Variants in VPS13B observed in about 807,000 individuals in gnomAD.
The protein encoded by VPS13B is vacuolar protein sorting 13 homolog B.
Under a neutral mutation model 426.4 loss-of-function variants are expected in VPS13B, and 285 were observed. The ratio of observed to expected loss-of-function variants is 0.67; its 90% CI spans 0.61 to 0.74. The LOEUF is 0.74. VPS13B is among the 30% of genes least tolerant of loss of function. The probability of loss-of-function intolerance (pLI) is 0.00; values close to 1 mark genes in which losing one functional copy is unlikely to be tolerated. For missense variants in VPS13B, 4,537 were observed against 4,782.6 expected (o/e 0.95, Z 1.51); for synonymous variants, 1,676 against 1,676.4 (o/e 1.00, Z 0.01).
intron 33 of VPS13B, among the ~76,000 whole-genome samples, chr8:99,607,647 C>T (rs963684091): frequency 6.6e-6 from 1 of 152,162 alleles, no homozygotes; most frequent in African/African-American, 2.4e-5. Context: ...AACAATGGTT[C>T]TCAAATTGTT....
At chr8:99,145,276 A>T (rs1023281498) in intron 13 of VPS13B, among the ~76,000 whole-genome samples, 10 of 152,202 alleles carry the variant, frequency 6.6e-5, no homozygotes, top group Admixed American at 1.3e-4. Flanking sequence ...TTTTCATTTT[A>T]AAAAATTTAG....
intron 17 of VPS13B, among the ~76,000 whole-genome samples, chr8:99,235,570 A>AT (rs995248924): frequency 1.3e-5 from 2 of 152,038 alleles, no homozygotes; most frequent in Non-Finnish European, 2.9e-5. Context: ...TTCAGCCTAC[A>AT]TTTTTTTAGA....
rs140216842 is a variant in VPS13B, at chr8:99,875,589, G to A, written c.11917G>A (p.Asp3973Asn). 6.2e-7 allele frequency: 1 copy of A among 1,614,172 alleles called. No individual in the cohort carries two copies. The highest frequency in any genetic ancestry group is 8.5e-7 in the Non-Finnish European group (1 of 1,180,026). ...TGTTAAAACATACCATTACCTGGTT[G>A]ATCCACATTTTGCTCAGGTCTTCCT... Reference protein sequence around the residue: ...STVKTYHYLVDPHFAQVFLSK... With the variant: ...STVKTYHYLVNPHFAQVFLSK... Residue 3973 changes from aspartate to asparagine, a missense_variant, in exon 62 of 62, where the codon GAT becomes AAT. Asp to Asn is a conservative substitution (Grantham distance 23). Transcript: ENST00000357162.
chr8:99,511,107 A>G lies in VPS13B; in HGVS notation c.4228A>G (p.Thr1410Ala). The change falls in exon 29 of 62, where the codon ACT becomes GCT. Residue 1410 changes from threonine to alanine, a missense_variant. Coordinates refer to ENST00000357162, the MANE Select transcript of VPS13B (RefSeq NM_152564.5). The part of the protein sequence containing the change: ...FLQCKEKSVT[T>A]TKLLDGTHQQ... ...TGATTTCCTTTTTTTGGAACAGACA[A>G]CTACAAAACTTCTAGATGGCACTCA... 1 of 1,612,518 alleles carries G rather than the reference A, an allele frequency of 6.2e-7. No individual in the cohort carries two copies. Among genetic ancestry groups the G allele is most frequent in the Non-Finnish European group, 8.5e-7 (1 of 1,179,972 alleles).
intron 15 of VPS13B, among the ~76,000 whole-genome samples, chr8:99,162,950 A>G (rs1811756368): frequency 6.6e-6 from 1 of 152,132 alleles, no homozygotes; most frequent in South Asian, 2.1e-4. Flanking sequence ...ACAATCCCTG[A>G]GCTAGATACA....
chr8:99,801,042 G>T (rs1329857757), intron 43 of VPS13B, among the ~76,000 whole-genome samples: 1 of 152,120 alleles, frequency 6.6e-6, no homozygotes, highest in Non-Finnish European at 1.5e-5. Context: ...ATTTCAAACA[G>T]CCAAACAGTG....
At chr8:99,210,877 G>A (rs1026321590) in intron 17 of VPS13B, among the ~76,000 whole-genome samples, 4 of 152,124 alleles carry the variant, frequency 2.6e-5, no homozygotes, top group African/African-American at 9.7e-5. Flanking sequence ...GTATTAAGGT[G>A]TGAGTCACTG....
chr8:99,763,526 A>T (rs182238256), intron 39 of VPS13B, among the ~76,000 whole-genome samples: 2 of 152,350 alleles, frequency 1.3e-5, no homozygotes, highest in East Asian at 3.9e-4. Context: ...TGTAAAAGAC[A>T]TTCCCATTTT....
intron 17 of VPS13B, among the ~76,000 whole-genome samples, chr8:99,235,514 T>A (rs1816591327): frequency 6.6e-6 from 1 of 152,190 alleles, no homozygotes; most frequent in Non-Finnish European, 1.5e-5. Context: ...TACAGAATGT[T>A]GGGTAAGTTT....
At chr8:99,014,421 A>G (rs1476368364) in intron 2 of VPS13B, among the ~76,000 whole-genome samples, 2 of 152,014 alleles carry the variant, frequency 1.3e-5, no homozygotes, top group Non-Finnish European at 2.9e-5. Context: ...CCCGGCCTGC[A>G]TAATTTTTAA....
intron 33 of VPS13B, among the ~76,000 whole-genome samples, chr8:99,617,707 A>G (rs1338737844): frequency 3.3e-5 from 5 of 152,246 alleles, no homozygotes; most frequent in Non-Finnish European, 7.3e-5. Context: ...AACTCCTGTA[A>G]GGAACAAGAA....
chr8:99,814,843 A>G (rs764685506), intron 44 of VPS13B, among the ~76,000 whole-genome samples: 17 of 152,318 alleles, frequency 1.1e-4, no homozygotes, highest in Non-Finnish European at 1.9e-4. Flanking sequence ...TGTTATAAAG[A>G]GCAGCCCTTA....
chr8:99,173,498 A>G (rs960183543), intron 16 of VPS13B, among the ~76,000 whole-genome samples: 1 of 152,204 alleles, frequency 6.6e-6, no homozygotes, highest in East Asian at 1.9e-4. Flanking sequence ...GTAATACCAC[A>G]GTTCGAGGCC....
intron 34 of VPS13B, among the ~76,000 whole-genome samples, chr8:99,656,619 T>C (rs1277712776): frequency 6.6e-6 from 1 of 152,134 alleles, no homozygotes; most frequent in Non-Finnish European, 1.5e-5. Context: ...ACAGGAAGAC[T>C]AGGAGTCATG....
chr8:99,802,672 T>G (rs943466425), intron 43 of VPS13B, among the ~76,000 whole-genome samples: 1 of 152,200 alleles, frequency 6.6e-6, no homozygotes, highest in Non-Finnish European at 1.5e-5. Context: ...GTTTATTTGT[T>G]TTACAAAAAT....
chr8:99,511,636 A>AT, intron 29 of VPS13B, 124 bp downstream of exon 29: 1 of 960,028 alleles, frequency 1.0e-6, no homozygotes, highest in Non-Finnish European at 1.5e-6. Context: ...GGTTTGGTAT[A>AT]TTTTATAGAG....
chr8:99,458,696 T>C (rs951455086), intron 23 of VPS13B, among the ~76,000 whole-genome samples: 29 of 152,364 alleles, frequency 1.9e-4, no homozygotes, highest in Non-Finnish European at 3.4e-4. Context: ...TTCATGTGTC[T>C]TTTGGCTGCA....
chr8:99,109,536 C>T (rs1300067903), intron 5 of VPS13B, among the ~76,000 whole-genome samples: 1 of 152,062 alleles, frequency 6.6e-6, no homozygotes, highest in Admixed American at 6.6e-5. Context: ...GCATTTGCCA[C>T]CACACCCAGC....
intron 21 of VPS13B, among the ~76,000 whole-genome samples, chr8:99,419,889 TAAAAG>T (rs1015275831): frequency 3.3e-5 from 5 of 152,156 alleles, no homozygotes; most frequent in African/African-American, 1.2e-4. Flanking sequence ...AATAAATAGA[TAAAAG>T]AAACATGAAT....
Sources: allele counts gnomAD v4.1 joint callset (sites outside exome capture counted in the v4.1 genomes callset), GRCh38; gene constraint gnomAD v4.1.1; transcripts MANE v1.5; gene names NCBI Gene and HGNC (gene_info 2026-07-23, HGNC 2026-07-21).